The following ASXL1 variants were observed in gnomAD, a reference collection of about 807,000 sequenced individuals.
The protein encoded by ASXL1 is polycomb group protein ASXL1.
Under a neutral mutation model 89.1 loss-of-function variants are expected in ASXL1, and 65 were observed. That is an observed-to-expected ratio of 0.73 (90% confidence interval 0.60 to 0.90). ASXL1 has a LOEUF of 0.90. Among genes scored for constraint, ASXL1 ranks in the 40% least tolerant of loss-of-function variants. The probability of loss-of-function intolerance (pLI) is 0.00; values close to 1 mark genes in which losing one functional copy is unlikely to be tolerated. For synonymous variants in ASXL1, 739 were observed against 746.9 expected (o/e 0.99, Z 0.17); for missense variants, 1,786 against 1,942.9 (o/e 0.92, Z 1.52).
chr20:32,377,691 C>T (rs935994108), intron 4 of ASXL1, among the ~76,000 whole-genome samples: 4 of 151,742 alleles, frequency 2.6e-5, no homozygotes, highest in African/African-American at 7.3e-5. Flanking sequence ...CTCACTCTGT[C>T]GCCCAGGCTG....
At chr20:32,375,598 C>A (rs1047688719) in intron 4 of ASXL1, among the ~76,000 whole-genome samples, 2 of 152,100 alleles carry the variant, frequency 1.3e-5, no homozygotes, top group Non-Finnish European at 2.9e-5. Flanking sequence ...TTCTTTGTGG[C>A]CTAAAATCCT....
rs1158866700 is a variant in ASXL1, at chr20:32,436,242, T to G, written c.3530T>G (p.Leu1177Arg). The change falls in exon 13 of 13, where the codon CTT becomes CGT. Residue 1177 changes from leucine to arginine, a missense_variant. Leu to Arg is a moderately radical substitution (Grantham distance 102, BLOSUM62 -2). Coordinates refer to ENST00000375687, the MANE Select transcript of ASXL1 (RefSeq NM_015338.6). Reference protein sequence around the residue: ...PSSLRALKEPLLPDSCETGTG... With the variant: ...PSSLRALKEPRLPDSCETGTG... ...TCTTTAAGGGCTTTGAAGGAGCCTCTTCTGCCAGATAGCTGTGAAACAGGC... is the reference window on the plus strand; with the variant it reads ...TCTTTAAGGGCTTTGAAGGAGCCTCGTCTGCCAGATAGCTGTGAAACAGGC... 1 of 1,614,240 alleles carries G rather than the reference T, an allele frequency of 6.2e-7. No homozygotes were observed.
rs140458480 is a variant in ASXL1 at position 32,434,839 on chromosome 20, C to G, written c.2127C>G (p.Ala709=). The G allele has an allele frequency of 1.2e-6, 2 of 1,614,130 alleles. No homozygotes were observed. The highest frequency in any genetic ancestry group is 1.7e-6 in the Non-Finnish European group (2 of 1,180,028). Residue 709 remains alanine, a synonymous_variant, in exon 13 of 13, where the codon GCC becomes GCG. Coordinates refer to ENST00000375687, the MANE Select transcript of ASXL1 (RefSeq NM_015338.6). ...CTCTAAATGGGGAGCATACCCAGGC[C>G]GGAACTGCCATGTCCAGAGCTAGGA... ...PYPLNGEHTQ[A]GTAMSRARRE...
intron 4 of ASXL1, among the ~76,000 whole-genome samples, chr20:32,402,786 A>G (rs1328852928): frequency 6.6e-6 from 1 of 151,994 alleles, no homozygotes; most frequent in Non-Finnish European, 1.5e-5. Context: ...AGACTTTTCT[A>G]TTTTCAAATT....
intron 4 of ASXL1, among the ~76,000 whole-genome samples, chr20:32,398,440 C>G (rs190865294): frequency 1.0e-3 from 152 of 151,998 alleles, no homozygotes; most frequent in African/African-American, 2.7e-3. Context: ...TGAAAGAAAA[C>G]CCCGTATTTA....
chr20:32,380,107 C>CT (rs1449168303), intron 4 of ASXL1, among the ~76,000 whole-genome samples: 2 of 152,020 alleles, frequency 1.3e-5, no homozygotes, highest in African/African-American at 4.8e-5. Flanking sequence ...CACAGTGAAA[C>CT]TCCATCTCTA....
chr20:32,404,214 C>T (rs940966322), intron 4 of ASXL1, among the ~76,000 whole-genome samples: 11 of 152,270 alleles, frequency 7.2e-5, no homozygotes, highest in Non-Finnish European at 1.5e-4. Flanking sequence ...CTCTCTGCCT[C>T]CACGAGATCA....
intron 8 of ASXL1, chr20:32,430,554 A>AC: frequency 1.2e-5 from 2 of 166,268 alleles, no homozygotes; most frequent in East Asian, 8.6e-5. Flanking sequence ...CCCTCACCCC[A>AC]CCCCACCCCC....
chr20:32,366,169 A>G (rs1396157650), intron 1 of ASXL1, among the ~76,000 whole-genome samples: 2 of 152,190 alleles, frequency 1.3e-5, no homozygotes, highest in African/African-American at 4.8e-5. Flanking sequence ...GAAGATATGC[A>G]TCCTTAGAAT....
At chr20:32,372,364 C>T in intron 4 of ASXL1, 1 of 1,141,948 alleles carries the variant, frequency 8.8e-7, no homozygotes, top group South Asian at 2.7e-5. Flanking sequence ...GTATCTTGTT[C>T]ATTGGCCTTT....
At chr20:32,420,774 A>T (rs1334175795) in intron 4 of ASXL1, among the ~76,000 whole-genome samples, 4 of 152,140 alleles carry the variant, frequency 2.6e-5, no homozygotes, top group Non-Finnish European at 1.5e-5. Context: ...AATCCCTACA[A>T]CTACAGTTTT....
At position 32,434,974 on chromosome 20, in the gene ASXL1, TG is replaced by T; in HGVS notation, c.2266del (p.Asp756ThrfsTer16). 6.2e-7 allele frequency: 1 copy of T among 1,614,130 alleles called. No homozygotes were observed. The highest frequency in any genetic ancestry group is 8.5e-7 in the Non-Finnish European group (1 of 1,180,008). ...CCTCCCAACTCCCCGTTGCTCCCAC[TG>T]GGGACCAGCCATGCCAGGCCTTGCC... is the stretch of plus-strand genomic sequence containing the variant. ...DASQLPVAPT[G>X]DQPCQALPLL... On this transcript the variant is annotated frameshift_variant, in exon 13 of 13. Coordinates refer to ENST00000375687, the MANE Select transcript of ASXL1 (RefSeq NM_015338.6). LOFTEE classifies it low-confidence loss of function (END_TRUNC).
chr20:32,431,554 A>G (rs2011513506), intron 9 of ASXL1, 29 bp from the exon 10 acceptor site: 1 of 1,613,884 alleles, frequency 6.2e-7, no homozygotes, highest in African/African-American at 1.3e-5. Flanking sequence ...TTTATTTATT[A>G]GGATTTTTTT....
chr20:32,408,874 A>T (rs557289383), intron 4 of ASXL1, among the ~76,000 whole-genome samples: 6 of 152,172 alleles, frequency 3.9e-5, no homozygotes, highest in Admixed American at 6.5e-5. Flanking sequence ...ATCTCCAGTT[A>T]TTATCATCTT....
In ASXL1 at chr20:32,427,944, T is replaced by C. The variant is rs1260794982; in HGVS notation, c.253-184T>C. The C allele has an allele frequency of 3.7e-6, 3 of 806,678 alleles. No homozygotes were observed. The African/African-American group carries it at 5.2e-5, about 14-fold the overall frequency. 50.0% of individuals were successfully genotyped at this position (806,678 alleles called of 1,614,324 possible). A position where few individuals can be genotyped will look rare whatever the true frequency, so the allele number is the denominator to read the frequency against. The stretch of plus-strand genomic sequence containing the variant: ...ATGAATGTTTGAATGCAAAAGTGTA[T>C]CTAACTTTCTTAATGATATATTTAT... On this transcript the variant is annotated intron_variant, in intron 4 of 12. Transcript: ENST00000375687.
At chr20:32,408,598 GCTGTAGTGCA>G (rs2048994273) in intron 4 of ASXL1, among the ~76,000 whole-genome samples, 1 of 152,064 alleles carries the variant, frequency 6.6e-6, no homozygotes, top group African/African-American at 2.4e-5. Context: ...CTGTCGGCAG[GCTGTAGTGCA>G]GTGACGCAGT....
At chr20:32,368,018 G>A (rs928986535) in intron 3 of ASXL1, among the ~76,000 whole-genome samples, 1 of 152,134 alleles carries the variant, frequency 6.6e-6, no homozygotes, top group Non-Finnish European at 1.5e-5. Flanking sequence ...GTGTTCCAAG[G>A]CAAAATAAGT....
chr20:32,359,295 G>A (rs2048068824), intron 1 of ASXL1: 1 of 702,472 alleles, frequency 1.4e-6, no homozygotes, highest in Non-Finnish European at 2.6e-6. Flanking sequence ...CCACATTCAA[G>A]GACGCCAATG....
intron 4 of ASXL1, chr20:32,372,554 T>G (rs896861081): frequency 3.4e-6 from 1 of 294,296 alleles, no homozygotes; most frequent in Non-Finnish European, 5.4e-6. Flanking sequence ...AATGAACGAA[T>G]TTAGTGAATA....
Sources: allele counts gnomAD v4.1 joint callset (sites outside exome capture counted in the v4.1 genomes callset), GRCh38; gene constraint gnomAD v4.1.1; transcripts MANE v1.5; gene names NCBI Gene and HGNC (gene_info 2026-07-23, HGNC 2026-07-21).